CDH18: variants seen among roughly 807,000 people sequenced by gnomAD.
The protein encoded by CDH18 is cadherin 18.
CDH18 carries 31 observed loss-of-function variants against 67.9 expected under a neutral mutation model. The ratio of observed to expected loss-of-function variants is 0.46; its 90% CI spans 0.34 to 0.62. CDH18 has a LOEUF of 0.62. Ranked by LOEUF, CDH18 falls within the 20% of genes least tolerant of loss-of-function variation. The pLI is 0.01. For synonymous variants in CDH18, 362 were observed against 347.2 expected (o/e 1.04, Z -0.48); for missense variants, 890 against 975.5 (o/e 0.91, Z 1.17).
chr5:20,417,797 T>A (rs1747445336), intron 1 of CDH18, among the ~76,000 whole-genome samples: 1 of 152,174 alleles, frequency 6.6e-6, no homozygotes, highest in Admixed American at 6.5e-5. Context: ...CATACCCTTA[T>A]CAAAGGATAC....
intron 6 of CDH18, among the ~76,000 whole-genome samples, chr5:19,609,985 A>G (rs1748682431): frequency 6.6e-6 from 1 of 152,122 alleles, no homozygotes; most frequent in Non-Finnish European, 1.5e-5. Context: ...CAATTTATGG[A>G]TAAATTAAAG....
intron 9 of CDH18, among the ~76,000 whole-genome samples, chr5:19,521,390 A>C (rs1258443346): frequency 3.9e-5 from 6 of 152,134 alleles, no homozygotes; most frequent in Non-Finnish European, 7.4e-5. Context: ...AAACATCTTA[A>C]ACTAAGACTT....
At chr5:20,237,006 C>G (rs1742523592) in intron 2 of CDH18, among the ~76,000 whole-genome samples, 1 of 151,860 alleles carries the variant, frequency 6.6e-6, no homozygotes, top group African/African-American at 2.4e-5. Context: ...TAGCTTATTT[C>G]AGGAATGCAA....
Position 20,078,139 on chromosome 5 carries a change from T to C in CDH18, c.-517-86125A>G, listed in dbSNP as rs147042743. Among the ~76,000 whole-genome samples, 1,326 of 152,282 alleles carry C rather than the reference T, an allele frequency of 8.7e-3. 8 individuals carry two copies. Among genetic ancestry groups the C allele is most frequent in the Non-Finnish European group, 0.015 (990 of 68,008 alleles). On this transcript the variant is annotated intron_variant, in intron 2 of 14. Coordinates refer to the CDH18 transcript ENST00000507958. ...AGATTTACCTGCATCTTTAAAACAG[T>C]AATGTCATAATGCTTCATACTGTGT...
chr5:20,074,622 C>A (rs1009220719), intron 2 of CDH18, among the ~76,000 whole-genome samples: 6 of 152,072 alleles, frequency 3.9e-5, no homozygotes, highest in Admixed American at 3.3e-4. Context: ...TTGGACAGTA[C>A]ATGATCATTA....
chr5:19,528,703 G>A lies in CDH18; in HGVS notation c.1391-7925C>T, dbSNP rs976575807. Among the ~76,000 whole-genome samples, 4 of 151,944 alleles carry A rather than the reference G, an allele frequency of 2.6e-5. No individual in the cohort carries two copies. The East Asian group carries it at 7.7e-4, about 29-fold the overall frequency. On this transcript the variant is annotated intron_variant, in intron 9 of 12. Coordinates refer to ENST00000382275, the MANE Select transcript of CDH18 (RefSeq NM_004934.5). ...GAAGCCCAAAATTGATTGATTCTAA[G>A]TGAGGGAAGAACTTGAAGATTCTTT...
chr5:19,682,907 G>T (rs1000077667), intron 5 of CDH18, among the ~76,000 whole-genome samples: 1 of 152,002 alleles, frequency 6.6e-6, no homozygotes, highest in Non-Finnish European at 1.5e-5. Flanking sequence ...CATCACTGTT[G>T]CTTTGAAGTG....
At chr5:20,467,662 A>G (rs1448016322) in intron 1 of CDH18, among the ~76,000 whole-genome samples, 3 of 152,206 alleles carry the variant, frequency 2.0e-5, no homozygotes, top group Non-Finnish European at 2.9e-5. Context: ...TAGCTAACAC[A>G]TATTTATTGA....
At chr5:20,130,978 T>C (rs1325342018) in intron 2 of CDH18, among the ~76,000 whole-genome samples, 2 of 152,120 alleles carry the variant, frequency 1.3e-5, no homozygotes, top group Admixed American at 6.6e-5. Context: ...AAGAATAATT[T>C]ATTGTGTCCT....
chr5:19,843,546 G>T (rs1297819173), intron 2 of CDH18, among the ~76,000 whole-genome samples: 1 of 152,240 alleles, frequency 6.6e-6, no homozygotes, highest in Non-Finnish European at 1.5e-5. Flanking sequence ...TTAGAGCAGT[G>T]CAGAAGGGAA....
intron 1 of CDH18, among the ~76,000 whole-genome samples, chr5:20,342,638 A>T (rs915761159): frequency 7.2e-5 from 11 of 152,180 alleles, no homozygotes; most frequent in African/African-American, 2.7e-4. Context: ...AATGGATAGT[A>T]AGAGTGTGGG....
At chr5:19,598,681 C>A (rs1746570010) in intron 6 of CDH18, among the ~76,000 whole-genome samples, 1 of 152,202 alleles carries the variant, frequency 6.6e-6, no homozygotes, top group East Asian at 1.9e-4. Context: ...TATCTCCTCA[C>A]TTCCCTAAAA....
At chr5:20,418,938 A>G (rs1200552753) in intron 1 of CDH18, among the ~76,000 whole-genome samples, 1 of 152,024 alleles carries the variant, frequency 6.6e-6, no homozygotes, top group Non-Finnish European at 1.5e-5. Flanking sequence ...TTCTCTCTCC[A>G]TATTTTCACT....
chr5:19,777,711 G>C (rs1440608641), intron 3 of CDH18, among the ~76,000 whole-genome samples: 1 of 152,192 alleles, frequency 6.6e-6, no homozygotes, highest in Non-Finnish European at 1.5e-5. Context: ...AGTTGTCATG[G>C]AGATTGATCT....
intron 1 of CDH18, among the ~76,000 whole-genome samples, chr5:20,468,393 C>T (rs6888336): frequency 0.79 from 119,599 of 152,118 alleles, 47,252 homozygotes; most frequent in Admixed American, 0.86. Context: ...TGGCATCTGC[C>T]GGCATCTCTG....
chr5:19,775,214 A>G (rs1002966967), intron 3 of CDH18, among the ~76,000 whole-genome samples: 41 of 152,328 alleles, frequency 2.7e-4, no homozygotes, highest in African/African-American at 9.9e-4. Context: ...TATTTACGCT[A>G]CTAGCTCGCT....
chr5:19,790,568 A>G (rs535522455), intron 3 of CDH18, among the ~76,000 whole-genome samples: 18 of 152,286 alleles, frequency 1.2e-4, no homozygotes, highest in African/African-American at 4.3e-4. Context: ...AGAGATAAAG[A>G]GAAAGTAGAG....
chr5:19,762,751 T>A (rs1772536691), intron 3 of CDH18, among the ~76,000 whole-genome samples: 1 of 152,144 alleles, frequency 6.6e-6, no homozygotes, highest in Non-Finnish European at 1.5e-5. Flanking sequence ...TTACTGGGTA[T>A]ACACCCAAAG....
At chr5:19,724,733 C>T (rs6896730) in intron 4 of CDH18, among the ~76,000 whole-genome samples, 147,020 of 152,180 alleles carry the variant, frequency 0.97, 71,213 homozygotes, top group Middle Eastern at 1. Context: ...GACAAAGATG[C>T]GTTCTTGCCT....
Sources: gnomAD v4.1 joint callset for allele counts (sites outside exome capture counted in the v4.1 genomes callset) on GRCh38, gnomAD v4.1.1 for gene constraint, MANE v1.5 for transcripts, NCBI Gene and HGNC (gene_info 2026-07-23, HGNC 2026-07-21) for gene names.